The following CPNE5 variants were observed in gnomAD, a reference collection of about 807,000 sequenced individuals.
The protein encoded by CPNE5 is copine 5.
CPNE5 carries 42 observed loss-of-function variants against 81.1 expected under a neutral mutation model. The observed-to-expected ratio is 0.52, with a 90% CI of 0.40 to 0.67. The LOEUF (loss-of-function observed/expected upper bound fraction) is 0.67. Ranked by LOEUF, CPNE5 falls within the 30% of genes least tolerant of loss-of-function variation. The probability of loss-of-function intolerance (pLI) is 0.00; values close to 1 mark genes in which losing one functional copy is unlikely to be tolerated. For missense variants in CPNE5, 612 were observed against 815.5 expected (o/e 0.75, Z 3.04); for synonymous variants, 313 against 321.5 (o/e 0.97, Z 0.28).
rs1479482644 is a variant in CPNE5 at position 36,745,482 on chromosome 6, T to C, written c.1234A>G (p.Ile412Val). The C allele has an allele frequency of 6.2e-7, 1 of 1,600,376 alleles. No individual in the cohort carries two copies. Among genetic ancestry groups the C allele is most frequent in the Non-Finnish European group, 8.5e-7 (1 of 1,174,082 alleles). The part of the protein sequence containing the change: ...GNQENPSCCG[I>V]DGILEAYHRS... ...TGGTAGGCCTCCAGGATGCCGTCGA[T>C]GCCACAGCATGAGGGGTTCTCCTGG... The change falls in exon 17 of 21, where the codon ATC (isoleucine) becomes GTC (valine). Residue 412 changes from isoleucine (I) to valine (V), a missense_variant. By Grantham distance (29) the Ile-to-Val change is conservative. Transcript: ENST00000244751.
intron 8 of CPNE5, 82 bp downstream of exon 8, chr6:36,791,951 C>T (rs1391094276): frequency 7.9e-7 from 1 of 1,271,110 alleles, no homozygotes; most frequent in Non-Finnish European, 1.2e-6. Context: ...CCTCGGTTCC[C>T]TCCAGGGGCT....
At chr6:36,775,138 G>T in intron 9 of CPNE5, 73 bp from the exon 10 acceptor site, 3 of 1,101,488 alleles carry the variant, frequency 2.7e-6, no homozygotes, top group Admixed American at 1.8e-5. Context: ...CAACAGAGGA[G>T]TCAGCTGGTT....
Position 36,788,643 on chromosome 6 carries a change from T to C in CPNE5, c.528+3390A>G, listed in dbSNP as rs12665350. 1.5e-4 allele frequency among the ~76,000 whole-genome samples: 22 copies of C among 147,332 alleles called. No individual in the cohort carries two copies. In the East Asian group the frequency reaches 1.9e-3, roughly 13 times the overall value. On this transcript the variant is annotated intron_variant, in intron 8 of 20. Transcript: ENST00000244751. ...TGGCCAGTATTACAGGCAGTAACAATCGTTTTACTGCTGTATTACAGGCAG... is the reference window on the plus strand; with the variant it reads ...TGGCCAGTATTACAGGCAGTAACAACCGTTTTACTGCTGTATTACAGGCAG...
chr6:36,777,766 CCACACACACACACA>C (rs34423091), intron 9 of CPNE5, among the ~76,000 whole-genome samples: 31 of 109,540 alleles, frequency 2.8e-4, no homozygotes, highest in East Asian at 8.4e-4. Context: ...CCCCCCCCCA[CCACACACACACACA>C]CACACACACA....
At chr6:36,753,501 G>T (rs1765068845) in intron 13 of CPNE5, among the ~76,000 whole-genome samples, 1 of 152,210 alleles carries the variant, frequency 6.6e-6, no homozygotes, top group Admixed American at 6.5e-5. Context: ...AGGACAAGGG[G>T]GCCCTCCTGG....
chr6:36,833,393 G>A (rs1325417010), intron 1 of CPNE5, among the ~76,000 whole-genome samples: 2 of 152,228 alleles, frequency 1.3e-5, no homozygotes, highest in African/African-American at 4.8e-5. Context: ...CTCCCCTTGA[G>A]AGTGGGCGGG....
chr6:36,762,242 A>C, intron 12 of CPNE5, among the ~76,000 whole-genome samples: 1 of 150,862 alleles, frequency 6.6e-6, no homozygotes, highest in Non-Finnish European at 1.5e-5. Context: ...AAAAAAAAAA[A>C]AGAGGGAGAA....
Position 36,794,462 on chromosome 6 carries a change from C to G in CPNE5, c.464+128G>C, listed in dbSNP as rs998780295. On this transcript the variant is annotated intron_variant, in intron 7 of 20. Transcript: ENST00000244751. ...GGTGCCTAAGGAGGAACCCAGGACT[C>G]TCTGTCCCCGGATCAGGGCCAAATT... 7 of 847,990 alleles carry G rather than the reference C, an allele frequency of 8.3e-6. No individual in the cohort carries two copies. The Admixed American group carries it at 8.9e-5, about 11-fold the overall frequency. The allele number at this position is 847,990 out of a possible 1,614,324, so 52.5% of individuals were successfully genotyped here.
At chr6:36,747,431 C>A (rs903603293) in intron 15 of CPNE5, among the ~76,000 whole-genome samples, 2 of 152,126 alleles carry the variant, frequency 1.3e-5, no homozygotes, top group Non-Finnish European at 2.9e-5. Context: ...AAAATCAGAG[C>A]AATAATAGTT....
chr6:36,814,983 A>AC (rs1251636040), intron 3 of CPNE5, among the ~76,000 whole-genome samples: 1 of 151,866 alleles, frequency 6.6e-6, no homozygotes, highest in Non-Finnish European at 1.5e-5. Flanking sequence ...CCTGAAACCA[A>AC]CCCCATCTCT....
At chr6:36,743,785 G>C (rs9380594) in intron 19 of CPNE5, 23 bp from the exon 20 acceptor site, 312,386 of 1,603,138 alleles carry the variant, frequency 0.19, 31,885 homozygotes, top group East Asian at 0.28. Context: ...GAGTGTCATG[G>C]GGCGGGGTGA....
chr6:36,816,389 C>G (rs981925931), intron 3 of CPNE5, among the ~76,000 whole-genome samples: 2 of 152,176 alleles, frequency 1.3e-5, no homozygotes, highest in Non-Finnish European at 2.9e-5. Flanking sequence ...AAAAATGACC[C>G]AAATGGTTAA....
intron 9 of CPNE5, 104 bp downstream of exon 9, chr6:36,778,750 G>T (rs1358634747): frequency 3.7e-6 from 3 of 810,358 alleles, no homozygotes; most frequent in Non-Finnish European, 4.2e-6. Context: ...AGCAGAAGGA[G>T]ATGGGCCCAA....
At chr6:36,751,664 C>A in intron 14 of CPNE5, among the ~76,000 whole-genome samples, 1 of 152,234 alleles carries the variant, frequency 6.6e-6, no homozygotes, top group Admixed American at 6.5e-5. Context: ...GTGGCGCATG[C>A]CTGTAGCCCC....
intron 1 of CPNE5, among the ~76,000 whole-genome samples, chr6:36,824,823 G>A (rs1027747482): frequency 2.0e-5 from 3 of 152,190 alleles, no homozygotes; most frequent in African/African-American, 7.2e-5. Context: ...GTATGCGCCT[G>A]TAATCCCAAC....
intron 1 of CPNE5, among the ~76,000 whole-genome samples, chr6:36,828,525 A>T (rs1292617155): frequency 6.6e-6 from 1 of 152,178 alleles, no homozygotes; most frequent in South Asian, 2.1e-4. Flanking sequence ...CAAAGCCCAG[A>T]AGTGCTGCAT....
chr6:36,827,055 C>T (rs561224204), intron 1 of CPNE5, among the ~76,000 whole-genome samples: 1 of 152,226 alleles, frequency 6.6e-6, no homozygotes, highest in African/African-American at 2.4e-5. Context: ...TGGTGACAAG[C>T]GCAGCACAAG....
Position 36,774,972 on chromosome 6 carries a change from G to A in CPNE5, c.726C>T (p.Gly242=), listed in dbSNP as rs774248764. The change falls in exon 10 of 21, where the codon GGC becomes GGT. Residue 242 remains glycine (G), a synonymous_variant. Transcript: ENST00000244751. The part of the protein sequence containing the change: ...FSIPVRALCN[G]DYDRTIKVEV... Reference sequence around the variant, plus strand: ...TTTTCTCATCTCACCGATCGTAGTCGCCGTTGCAGAGGGCTCTCACGGGAA... The same window carrying A: ...TTTTCTCATCTCACCGATCGTAGTCACCGTTGCAGAGGGCTCTCACGGGAA... 2.0e-5 allele frequency: 33 copies of A among 1,613,156 alleles called. No individual in the cohort carries two copies. Among genetic ancestry groups the A allele is most frequent in the Non-Finnish European group, 2.5e-5 (29 of 1,179,160 alleles).
intron 12 of CPNE5, 53 bp from the exon 13 acceptor site, chr6:36,756,351 A>G (rs534019530): frequency 9.7e-5 from 147 of 1,518,376 alleles, no homozygotes; most frequent in Non-Finnish European, 1.3e-4. Context: ...AGTCAGGGTG[A>G]GTCTTGAGGG....
Sources: allele counts gnomAD v4.1 joint callset (sites outside exome capture counted in the v4.1 genomes callset), GRCh38; gene constraint gnomAD v4.1.1; transcripts MANE v1.5; gene names NCBI Gene and HGNC (gene_info 2026-07-23, HGNC 2026-07-21).